Variants in HAVCR1 observed in about 807,000 individuals in gnomAD.
The protein encoded by HAVCR1 is T cell immunoglobin domain and mucin domain protein 1.
A neutral mutation model predicts 32.0 loss-of-function variants in HAVCR1; 34 were observed. The ratio of observed to expected loss-of-function variants is 1.06; its 90% CI spans 0.81 to 1.42. The LOEUF (loss-of-function observed/expected upper bound fraction) is 1.42. HAVCR1 is among the 40% of genes most tolerant of loss of function. The pLI is 0.00. For missense variants in HAVCR1, 420 were observed against 442.3 expected, an observed-to-expected ratio of 0.95 and a Z score of 0.45; for synonymous variants, 178 against 170.3, an observed-to-expected ratio of 1.05 and a Z score of -0.35.
At chr5:157,049,759 G>A (rs1039438) in intron 4 of HAVCR1, among the ~76,000 whole-genome samples, 36,414 of 152,024 alleles carry the variant, frequency 0.24, 4,647 homozygotes, top group Admixed American at 0.33. Context: ...CAACCCTAAA[G>A]GTAAGGTTCC....
chr5:157,034,341 G>A (rs1223780941), intron 7 of HAVCR1, among the ~76,000 whole-genome samples: 2 of 151,946 alleles, frequency 1.3e-5, no homozygotes, highest in Non-Finnish European at 2.9e-5. Flanking sequence ...CCAGGTTTAT[G>A]TTTGACTTTA....
In HAVCR1 at chr5:157,029,702, G is replaced by C. The variant is rs1382342181; in HGVS notation, c.*31C>G. The C allele has an allele frequency of 1.2e-6, 2 of 1,612,076 alleles. No individual in the cohort carries two copies. The highest frequency in any genetic ancestry group is 1.3e-5 in the African/African-American group (1 of 74,814). On this transcript the variant is annotated 3_prime_UTR_variant, in exon 9 of 9. Coordinates refer to ENST00000523175, the MANE Select transcript of HAVCR1 (RefSeq NM_001173393.3). ...GTCTGTTCAGTCTTCTGCACTCATG[G>C]GCGTAAACTCTCAAAGAGCACCACT...
At chr5:157,036,267 A>G (rs1488869290) in intron 7 of HAVCR1, among the ~76,000 whole-genome samples, 2 of 152,162 alleles carry the variant, frequency 1.3e-5, no homozygotes, top group Admixed American at 6.5e-5. Flanking sequence ...TCACAAGGTC[A>G]GGAGATCGAG....
chr5:157,043,457 A>G (rs947619489), intron 5 of HAVCR1, among the ~76,000 whole-genome samples: 2 of 152,216 alleles, frequency 1.3e-5, no homozygotes, highest in Non-Finnish European at 2.9e-5. Context: ...ACTTGAGGTC[A>G]GGAGTTCAAG....
intron 4 of HAVCR1, among the ~76,000 whole-genome samples, chr5:157,052,005 AC>A (rs113405021): frequency 3.9e-4 from 60 of 152,324 alleles, no homozygotes; most frequent in African/African-American, 1.4e-3. Flanking sequence ...CATTTATCTG[AC>A]CTTGGTTCTC....
At chr5:157,044,582 A>AGAAG (rs1358343419) in intron 5 of HAVCR1, among the ~76,000 whole-genome samples, 1 of 78,234 alleles carries the variant, frequency 1.3e-5, no homozygotes, top group Non-Finnish European at 2.3e-5. Flanking sequence ...AGACAAAGAA[A>AGAAG]GAAGGAAAGA....
At chr5:157,031,820 A>T (rs990318799) in intron 8 of HAVCR1, among the ~76,000 whole-genome samples, 3 of 148,454 alleles carry the variant, frequency 2.0e-5, no homozygotes, top group Non-Finnish European at 3.0e-5. Context: ...AAAAAAAGTA[A>T]CTAGGCAGCA....
intron 8 of HAVCR1, among the ~76,000 whole-genome samples, chr5:157,031,648 C>T (rs1004818836): frequency 3.3e-5 from 5 of 151,912 alleles, no homozygotes; most frequent in African/African-American, 9.7e-5. Flanking sequence ...GGCAGAACCC[C>T]GTCTCTATTA....
In HAVCR1 at chr5:157,049,127, G is replaced by A. The variant is rs1221424642; in HGVS notation, c.692C>T (p.Ser231Leu). Residue 231 changes from serine (S) to leucine (L), a missense_variant, in exon 5 of 9, where the codon TCA (serine) becomes TTA (leucine). Transcript: ENST00000523175. ...AGGGTGGGTTTCTGCTGGCTGAGGT[G>A]AAGATGGTGAAGTGGCTACTGGAAT... ...NHEPVATSPS[S>L]PQPAETHPTT... 1.2e-6 allele frequency: 2 copies of A among 1,607,364 alleles called. No individual in the cohort carries two copies. The highest frequency in any genetic ancestry group is 8.5e-7 in the Non-Finnish European group (1 of 1,173,886).
chr5:157,057,808 C>A, intron 2 of HAVCR1, 90 bp downstream of exon 2: 1 of 912,716 alleles, frequency 1.1e-6, no homozygotes, highest in Middle Eastern at 2.1e-4. Context: ...TAATCCACCA[C>A]CACCATCCCC....
At chr5:157,057,416 A>T (rs1274194078) in intron 2 of HAVCR1, among the ~76,000 whole-genome samples, 1 of 146,392 alleles carries the variant, frequency 6.8e-6, no homozygotes, top group East Asian at 2.0e-4. Flanking sequence ...AGAAAGAAAG[A>T]AAGAAAGAAA....
intron 6 of HAVCR1, 47 bp from the exon 7 acceptor site, chr5:157,037,408 T>G: frequency 1.1e-6 from 1 of 882,774 alleles, no homozygotes; most frequent in Non-Finnish European, 1.9e-6. Context: ...TAGAAAGTTA[T>G]GAAGAGAAAA....
intron 7 of HAVCR1, among the ~76,000 whole-genome samples, chr5:157,036,886 TG>T: frequency 1.3e-5 from 2 of 151,316 alleles, no homozygotes; most frequent in East Asian, 3.9e-4. Flanking sequence ...TTTGCTTTTT[TG>T]TTTTGTTTTT....
At chr5:157,030,668 C>T (rs971231860) in intron 8 of HAVCR1, among the ~76,000 whole-genome samples, 5 of 152,152 alleles carry the variant, frequency 3.3e-5, no homozygotes, top group Non-Finnish European at 5.9e-5. Flanking sequence ...TCAGTAGAAA[C>T]AGTGGAAATA....
the HAVCR1 span, among the ~76,000 whole-genome samples, chr5:157,068,566 A>C: frequency 1.3e-5 from 2 of 152,114 alleles, no homozygotes; most frequent in Admixed American, 6.6e-5. Context: ...CAGCCTGTGT[A>C]ACAAAGCAAG....
chr5:157,061,208 T>C (rs1442768956), upstream of HAVCR1, among the ~76,000 whole-genome samples: 1 of 152,214 alleles, frequency 6.6e-6, no homozygotes, highest in Non-Finnish European at 1.5e-5. Flanking sequence ...TAAAAATTTT[T>C]ATTTAATTTC....
At chr5:157,037,690 AATAGGCTATTTCCAC>A (rs1323575922) in intron 6 of HAVCR1, among the ~76,000 whole-genome samples, 1 of 152,222 alleles carries the variant, frequency 6.6e-6, no homozygotes, top group African/African-American at 2.4e-5. Context: ...TTTAAAAGTC[AATAGGCTATTTCCAC>A]AAATACATCC....
chr5:157,060,274 C>A (rs576620885), upstream of HAVCR1, among the ~76,000 whole-genome samples: 16 of 151,882 alleles, frequency 1.1e-4, no homozygotes, highest in East Asian at 2.1e-3. Context: ...ATTACTGAAG[C>A]CCTGGTGGTC....
rs1404015988 is a variant in HAVCR1 at position 157,042,736 on chromosome 5, C to T, written c.782-54G>A. 7 of 1,023,660 alleles carry T rather than the reference C, an allele frequency of 6.8e-6. No homozygotes were observed. The African/African-American group carries it at 1.1e-4, about 16-fold the overall frequency. 63.4% of individuals were successfully genotyped at this position (1,023,660 alleles called of 1,614,324 possible). A position where few individuals can be genotyped will look rare whatever the true frequency, so the allele number is the denominator to read the frequency against. ...AATTACAAAAAATATTGAATTTTCA[C>T]TGCAGACACTAAATATATTCACATT... On this transcript the variant is annotated intron_variant, in intron 5 of 8. Transcript: ENST00000523175.
Sources: allele counts gnomAD v4.1 joint callset (sites outside exome capture counted in the v4.1 genomes callset), GRCh38; gene constraint gnomAD v4.1.1; transcripts MANE v1.5; gene names NCBI Gene and HGNC (gene_info 2026-07-23, HGNC 2026-07-21).